Variants in AQR observed in about 807,000 individuals in gnomAD.
The protein encoded by AQR is aquarius intron-binding spliceosomal factor, also known as RNA helicase aquarius.
Under a neutral mutation model 180.5 loss-of-function variants are expected in AQR, and 61 were observed. The ratio of observed to expected loss-of-function variants is 0.34; its 90% CI spans 0.28 to 0.42. The LOEUF (loss-of-function observed/expected upper bound fraction) is 0.42, where lower values mean the gene tolerates loss of function less well. AQR is among the 10% of genes least tolerant of loss of function. The pLI, the probability that AQR is intolerant of heterozygous loss-of-function variation, is 1.00. For synonymous variants in AQR, 551 were observed against 588.8 expected, an observed-to-expected ratio of 0.94 and a Z score of 0.93; for missense variants, 1,281 against 1,798.3, an observed-to-expected ratio of 0.71 and a Z score of 5.20.
chr15:34,898,095 GAAGA>G (rs1285660029), intron 20 of AQR, among the ~76,000 whole-genome samples: 8 of 152,246 alleles, frequency 5.3e-5, no homozygotes, highest in Middle Eastern at 3.4e-3. Flanking sequence ...GACATTCCTG[GAAGA>G]AAGAAGCAAC....
At chr15:34,902,867 A>G (rs1413136753) in intron 19 of AQR, among the ~76,000 whole-genome samples, 1 of 152,130 alleles carries the variant, frequency 6.6e-6, no homozygotes, top group African/African-American at 2.4e-5. Context: ...TGCTAAGGAT[A>G]CACTGGCAGA....
chr15:34,904,810 G>T (rs1450689116), intron 18 of AQR, among the ~76,000 whole-genome samples: 2 of 151,920 alleles, frequency 1.3e-5, no homozygotes, highest in Non-Finnish European at 2.9e-5. Context: ...AGAAGTCAAA[G>T]AACTTATCTT....
In AQR at chr15:34,874,947, T is replaced by A. The variant is rs1892870862; in HGVS notation, c.3238-83A>T. 3 of 1,262,084 alleles carry A rather than the reference T, an allele frequency of 2.4e-6. No homozygotes were observed. In the African/African-American group the frequency reaches 4.6e-5, roughly 19 times the overall value. 78.2% of individuals were successfully genotyped at this position (1,262,084 alleles called of 1,614,324 possible). A position where few individuals can be genotyped will look rare whatever the true frequency, so the allele number is the denominator to read the frequency against. On this transcript the variant is annotated intron_variant, in intron 28 of 34. Coordinates refer to ENST00000156471, the MANE Select transcript of AQR (RefSeq NM_014691.3). Reference sequence around the variant, plus strand: ...TATTACCCGAGAGACTCAGTCTTCATCAAACAGCTTCCTTATCTTACAAAT... The same window carrying A: ...TATTACCCGAGAGACTCAGTCTTCAACAAACAGCTTCCTTATCTTACAAAT...
rs1299299977 is a variant in AQR at position 34,893,777 on chromosome 15, A to C, written c.2461-4T>G. 3 of 1,613,280 alleles carry C rather than the reference A, an allele frequency of 1.9e-6. No homozygotes were observed. The Admixed American group carries it at 5.0e-5, about 27-fold the overall frequency. ...CTGTACCAGGTGGGCCCACAACCTA[A>C]AAAGAAGATGAACACATAGCAAACT... On this transcript the variant is annotated splice_region_variant and splice_polypyrimidine_tract_variant and intron_variant, in intron 22 of 34. Coordinates refer to ENST00000156471, the MANE Select transcript of AQR (RefSeq NM_014691.3).
At chr15:34,857,998 G>A (rs1892614433) in intron 34 of AQR, among the ~76,000 whole-genome samples, 2 of 151,964 alleles carry the variant, frequency 1.3e-5, no homozygotes, top group Admixed American at 1.3e-4. Context: ...TTGATTGATT[G>A]ACTGAGACAG....
At chr15:34,900,376 A>T (rs945804198) in intron 20 of AQR, among the ~76,000 whole-genome samples, 1 of 152,240 alleles carries the variant, frequency 6.6e-6, no homozygotes, top group African/African-American at 2.4e-5. Flanking sequence ...CTCTTCAGAC[A>T]ATAAGTATTT....
At chr15:34,918,491 A>AT (rs954654025) in intron 14 of AQR, 113 bp from the exon 15 acceptor site, 1,623 of 1,254,280 alleles carry the variant, frequency 1.3e-3, no homozygotes, top group Non-Finnish European at 1.4e-3. Context: ...TCAACAAGCG[A>AT]TTTTTTTTTC....
chr15:34,933,319 C>T (rs2140493022), intron 10 of AQR, among the ~76,000 whole-genome samples: 1 of 152,272 alleles, frequency 6.6e-6, no homozygotes, highest in South Asian at 2.1e-4. Flanking sequence ...AAAAAACCAC[C>T]TTACTTCTCC....
In AQR at chr15:34,851,931, C is replaced by G. The variant is rs900003383; in HGVS notation, c.*4861G>C. The G allele has an allele frequency of 2.0e-5, 3 of 152,102 alleles. No individual in the cohort carries two copies. Among genetic ancestry groups the G allele is most frequent in the Non-Finnish European group, 4.4e-5 (3 of 68,020 alleles). The allele number at this position is 152,102 out of a possible 1,614,324, so 9.4% of individuals were successfully genotyped here. On this transcript the variant is annotated 3_prime_UTR_variant, in exon 35 of 35. Coordinates refer to ENST00000156471, the MANE Select transcript of AQR (RefSeq NM_014691.3). ...ATGAAGGAATGTCATGGTACATTGACCAAACTTTTATTCATTTGCATTTTC... is the reference window on the plus strand; with the variant it reads ...ATGAAGGAATGTCATGGTACATTGAGCAAACTTTTATTCATTTGCATTTTC...
At chr15:34,898,997 C>G (rs1339977188) in intron 20 of AQR, among the ~76,000 whole-genome samples, 1 of 150,404 alleles carries the variant, frequency 6.6e-6, no homozygotes, top group South Asian at 2.1e-4. Flanking sequence ...GAAACCCTGT[C>G]TCTACCAAAA....
intron 13 of AQR, among the ~76,000 whole-genome samples, chr15:34,926,522 A>G (rs1893767488): frequency 6.6e-6 from 1 of 152,230 alleles, no homozygotes; most frequent in South Asian, 2.1e-4. Flanking sequence ...AATGGTACCT[A>G]CTTCTAGCAT....
intron 13 of AQR, among the ~76,000 whole-genome samples, chr15:34,921,162 G>A (rs1258265864): frequency 2.6e-5 from 4 of 152,084 alleles, no homozygotes; most frequent in Non-Finnish European, 4.4e-5. Flanking sequence ...GTTGGACCGG[G>A]TGCAGTGTCT....
At chr15:34,938,594 T>C in intron 9 of AQR, 143 bp downstream of exon 9, 1 of 562,010 alleles carries the variant, frequency 1.8e-6, no homozygotes, top group Non-Finnish European at 3.2e-6. Context: ...ACACTGGTAA[T>C]GTATTTAAAA....
intron 15 of AQR, among the ~76,000 whole-genome samples, chr15:34,916,015 A>G (rs985076115): frequency 6.6e-6 from 1 of 152,164 alleles, no homozygotes; most frequent in Non-Finnish European, 1.5e-5. Flanking sequence ...TAATCTGCAT[A>G]TGAGTGATCT....
At position 34,854,146 on chromosome 15, in the gene AQR, C is replaced by A. The variant is rs1320887900; in HGVS notation, c.*2646G>T. ...CTGTTGGCAATGAACTTTCTTAACT[C>A]AGAATTTTGAAAAAAAAAAAAAAAA... On this transcript the variant is annotated 3_prime_UTR_variant, in exon 35 of 35. Coordinates refer to ENST00000156471, the MANE Select transcript of AQR (RefSeq NM_014691.3). 1.8e-4 allele frequency: 20 copies of A among 111,024 alleles called. 1 individual carries two copies. The highest frequency in any genetic ancestry group is 1.7e-3 in the Admixed American group (18 of 10,416). 6.9% of individuals were successfully genotyped at this position (111,024 alleles called of 1,614,324 possible). A position where few individuals can be genotyped will look rare whatever the true frequency, so the allele number is the denominator to read the frequency against.
chr15:34,897,819 T>A, intron 20 of AQR, 114 bp from the exon 21 acceptor site: 1 of 1,148,350 alleles, frequency 8.7e-7, no homozygotes, highest in East Asian at 2.4e-5. Flanking sequence ...CATTTCTGGC[T>A]TAAAGGAACG....
At chr15:34,954,253 T>C (rs140908784) in intron 3 of AQR, among the ~76,000 whole-genome samples, 5 of 152,178 alleles carry the variant, frequency 3.3e-5, no homozygotes, top group Non-Finnish European at 5.9e-5. Flanking sequence ...TCCTCATGTA[T>C]AAAAATGGTA....
Position 34,910,192 on chromosome 15 carries a change from G to A in AQR, c.1606C>T (p.Arg536Cys). Residue 536 changes from arginine to cysteine, a missense_variant, in exon 17 of 35, where the codon CGT becomes TGT. Arg to Cys is a radical substitution (Grantham distance 180). This residue lies in a region of AQR where 200 missense variants were observed against 293.4 expected (regional missense o/e 0.68). Coordinates refer to ENST00000156471, the MANE Select transcript of AQR (RefSeq NM_014691.3). ...NIGENWPTRV[R>C]ADVTINLNVR... ...TTGAGATTTATGGTAACATCTGCAC[G>A]AACTCGGGTTGGCCAGTTTTCACCT... The A allele has an allele frequency of 2.5e-6, 4 of 1,614,152 alleles. No individual in the cohort carries two copies. The highest frequency in any genetic ancestry group is 3.4e-6 in the Non-Finnish European group (4 of 1,180,024).
At chr15:34,951,716 T>C (rs1894236645) in intron 4 of AQR, among the ~76,000 whole-genome samples, 1 of 151,968 alleles carries the variant, frequency 6.6e-6, no homozygotes, top group Admixed American at 6.6e-5. Context: ...TTTCAATCTG[T>C]TTTGTTGCTT....
Sources: gnomAD v4.1 joint callset for allele counts (sites outside exome capture counted in the v4.1 genomes callset) on GRCh38, gnomAD v4.1.1 for gene constraint, gnomAD v4.1.1 regional missense constraint, MANE v1.5 for transcripts, NCBI Gene and HGNC (gene_info 2026-07-23, HGNC 2026-07-21) for gene names.